The following SFMBT2 variants were observed in gnomAD, a reference collection of about 807,000 sequenced individuals.
The protein encoded by SFMBT2 is Scm like with four mbt domains 2.
In SFMBT2, 38 loss-of-function variants were observed where a neutral mutation model predicts 110.1. The ratio of observed to expected loss-of-function variants is 0.35; its 90% confidence interval spans 0.27 to 0.45. The LOEUF is 0.45. Ranked by LOEUF, SFMBT2 falls within the 20% of genes least tolerant of loss-of-function variation. SFMBT2 has a pLI of 1.00. For missense variants in SFMBT2, 1,011 were observed against 1,094.9 expected (o/e 0.92, Z 1.08); for synonymous variants, 425 against 425.4 (o/e 1.00, Z 0.01).
chr10:7,395,865 C>G (rs1162640987), intron 1 of SFMBT2, among the ~76,000 whole-genome samples: 1 of 152,068 alleles, frequency 6.6e-6, no homozygotes, highest in Non-Finnish European at 1.5e-5. Flanking sequence ...GTTCTGGTGT[C>G]TACTTTTATA....
intron 9 of SFMBT2, among the ~76,000 whole-genome samples, chr10:7,234,575 C>G (rs1432821698): frequency 6.6e-6 from 1 of 152,080 alleles, no homozygotes. Context: ...TAAAAATGAC[C>G]TAGAGAGTTT....
chr10:7,235,361 A>G (rs1588369479), intron 9 of SFMBT2, among the ~76,000 whole-genome samples: 1 of 152,198 alleles, frequency 6.6e-6, no homozygotes, highest in Admixed American at 6.5e-5. Flanking sequence ...ATAATCAACA[A>G]TCACAAACCA....
intron 1 of SFMBT2, among the ~76,000 whole-genome samples, chr10:7,392,602 G>A (rs1042466045): frequency 2.0e-5 from 3 of 151,936 alleles, no homozygotes; most frequent in African/African-American, 4.8e-5. Flanking sequence ...TTTAAACTAC[G>A]TTGGTATCTG....
At chr10:7,182,589 C>T (rs1322602837) in intron 16 of SFMBT2, among the ~76,000 whole-genome samples, 1 of 151,776 alleles carries the variant, frequency 6.6e-6, no homozygotes, top group African/African-American at 2.4e-5. Flanking sequence ...AAGCTGGAAA[C>T]CATCATTCTC....
chr10:7,357,562 G>A (rs1844561104), intron 4 of SFMBT2, among the ~76,000 whole-genome samples: 1 of 152,024 alleles, frequency 6.6e-6, no homozygotes, highest in Non-Finnish European at 1.5e-5. Context: ...TCAGATTTTG[G>A]GCTCACTGGT....
rs752792166 is a variant in SFMBT2, at chr10:7,368,440, T to C, written c.196-551A>G. ...CTGGTGGGTCTTAACATTGCAAAGC[T>C]GACATATCCGCTGTCCGCAAGTGGC... is the stretch of plus-strand genomic sequence containing the variant. On this transcript the variant is annotated intron_variant, in intron 3 of 20. Coordinates refer to ENST00000397167, the MANE Select transcript of SFMBT2 (RefSeq NM_001387889.1). 7 of 822,050 alleles carry C rather than the reference T, an allele frequency of 8.5e-6. No homozygotes were observed. The African/African-American group carries it at 9.2e-5, about 11-fold the overall frequency. 50.9% of individuals were successfully genotyped at this position (822,050 alleles called of 1,614,324 possible). A position where few individuals can be genotyped will look rare whatever the true frequency, so the allele number is the denominator to read the frequency against.
intron 9 of SFMBT2, among the ~76,000 whole-genome samples, chr10:7,231,206 T>C (rs10905120): frequency 0.24 from 37,066 of 152,116 alleles, 4,881 homozygotes; most frequent in South Asian, 0.38. Flanking sequence ...TGTAACACAA[T>C]GATCCCATCT....
At chr10:7,354,568 G>GGAT (rs975286904) in intron 4 of SFMBT2, among the ~76,000 whole-genome samples, 7 of 152,116 alleles carry the variant, frequency 4.6e-5, no homozygotes, top group African/African-American at 1.7e-4. Flanking sequence ...CAGGCCTGGT[G>GGAT]GATGTAGAAA....
At chr10:7,292,161 T>G (rs529760697) in intron 4 of SFMBT2, 1 of 187,102 alleles carries the variant, frequency 5.3e-6, no homozygotes, top group South Asian at 1.8e-4. Context: ...CTTAATCCAC[T>G]GAAACTCCTC....
At chr10:7,369,615 C>T (rs1845007639) in intron 3 of SFMBT2, among the ~76,000 whole-genome samples, 1 of 152,154 alleles carries the variant, frequency 6.6e-6, no homozygotes, top group African/African-American at 2.4e-5. Flanking sequence ...TCTAATCTGA[C>T]TCATCTGCCA....
intron 4 of SFMBT2, among the ~76,000 whole-genome samples, chr10:7,335,169 A>G (rs1843679146): frequency 6.6e-6 from 1 of 152,318 alleles, no homozygotes; most frequent in South Asian, 2.1e-4. Context: ...CACGTTCAAC[A>G]TGTAGAGAGT....
chr10:7,206,937 A>C, intron 11 of SFMBT2: 2 of 985,382 alleles, frequency 2.0e-6, no homozygotes, highest in Non-Finnish European at 2.4e-6. Context: ...GATGAAGATA[A>C]CACAGTGGCC....
In SFMBT2 at chr10:7,170,867, G is replaced by A; in HGVS notation, c.2544+61C>T. On this transcript the variant is annotated intron_variant, in intron 20 of 20. Coordinates refer to ENST00000397167, the MANE Select transcript of SFMBT2 (RefSeq NM_001387889.1). This position sits in a 1 kb window ranked among gnomAD's most constrained non-coding sequence, Gnocchi z 4.6. ...CACGAGGAAGCCGGCTAGGACACGA[G>A]GTTCATTTCAGATGCAGAGTCTCAG... 1 of 1,605,966 alleles carries A rather than the reference G, an allele frequency of 6.2e-7. No homozygotes were observed. Among genetic ancestry groups the A allele is most frequent in the East Asian group, 2.2e-5 (1 of 44,742 alleles).
intron 6 of SFMBT2, among the ~76,000 whole-genome samples, chr10:7,281,153 G>A (rs939381355): frequency 1.3e-5 from 2 of 152,162 alleles, no homozygotes; most frequent in African/African-American, 4.8e-5. Context: ...AGCTGCGATG[G>A]GAAGATCACT....
Position 7,163,741 on chromosome 10 carries a change from C to G in SFMBT2, c.*29G>C. ...AACCTTTACCAACACCGCATCCCAG[C>G]AATAATGGGCCACCTCCCGAGGGCA... On this transcript the variant is annotated 3_prime_UTR_variant, in exon 21 of 21. Coordinates refer to ENST00000397167, the MANE Select transcript of SFMBT2 (RefSeq NM_001387889.1). The surrounding 1 kb of genome is among the most constrained non-coding windows in gnomAD (Gnocchi z 4.8). The G allele has an allele frequency of 6.3e-7, 1 of 1,599,978 alleles. No homozygotes were observed. The highest frequency in any genetic ancestry group is 1.1e-5 in the South Asian group (1 of 90,252).
chr10:7,322,926 C>T (rs1045990464), intron 4 of SFMBT2, among the ~76,000 whole-genome samples: 1 of 152,294 alleles, frequency 6.6e-6, no homozygotes, highest in African/African-American at 2.4e-5. Context: ...GAGAAATGCT[C>T]TCATTTGTAA....
intron 1 of SFMBT2, among the ~76,000 whole-genome samples, chr10:7,396,866 G>C (rs760619427): frequency 6.8e-6 from 1 of 147,052 alleles, no homozygotes; most frequent in Non-Finnish European, 1.5e-5. Flanking sequence ...TTGGACACAG[G>C]GTGGGGAACA....
At chr10:7,228,733 TTCCTTTCTCTCTCTCTCTCTCTCTCTCTC>T (rs1840006360) in intron 9 of SFMBT2, among the ~76,000 whole-genome samples, 8 of 70,492 alleles carry the variant, frequency 1.1e-4, no homozygotes, top group Non-Finnish European at 2.2e-4. Flanking sequence ...CTTTCTTTCT[TTCCTTTCTCTCTCTCTCTCTCTCTCTCTC>T]TCTCTCTCTC....
chr10:7,288,798 AG>A (rs1195094932), intron 4 of SFMBT2, among the ~76,000 whole-genome samples: 1 of 152,136 alleles, frequency 6.6e-6, no homozygotes, highest in Admixed American at 6.5e-5. Context: ...TGGGAGGCCA[AG>A]GCGGGTGGAT....
Sources: gnomAD v4.1 joint callset for allele counts (sites outside exome capture counted in the v4.1 genomes callset) on GRCh38, gnomAD v4.1.1 for gene constraint, Gnocchi (gnomAD v3.1) non-coding constraint, MANE v1.5 for transcripts, NCBI Gene and HGNC (gene_info 2026-07-23, HGNC 2026-07-21) for gene names.